The following SRSF9 variants were observed in gnomAD, a reference collection of about 807,000 sequenced individuals.
SRSF9 encodes the protein serine/arginine-rich splicing factor 9.
In SRSF9, 3 loss-of-function variants were observed where a neutral mutation model predicts 25.9. The observed-to-expected ratio is 0.12, with a 90% CI of 0.05 to 0.30. The LOEUF is 0.30. Ranked by LOEUF, SRSF9 falls within the 10% of genes least tolerant of loss-of-function variation. The pLI, the probability that SRSF9 is intolerant of heterozygous loss-of-function variation, is 1.00. For synonymous variants in SRSF9, 114 were observed against 113.2 expected (o/e 1.01, Z -0.05); for missense variants, 161 against 303.5 (o/e 0.53, Z 3.49).
intron 1 of SRSF9, among the ~76,000 whole-genome samples, chr12:120,466,153 C>T (rs1205046590): frequency 6.6e-6 from 1 of 152,292 alleles, no homozygotes; most frequent in Middle Eastern, 3.4e-3. Context: ...TCTCGAAAAG[C>T]ACACCACACA....
chr12:120,463,164 GA>G (rs1443402093), intron 3 of SRSF9: 1 of 152,132 alleles, frequency 6.6e-6, no homozygotes, highest in Non-Finnish European at 1.5e-5. Flanking sequence ...GTACCAAAGG[GA>G]TAGTCACCAC....
intron 3 of SRSF9, 107 bp downstream of exon 3, chr12:120,463,843 T>C (rs980908628): frequency 1.7e-5 from 22 of 1,291,028 alleles, no homozygotes; most frequent in Non-Finnish European, 2.4e-5. Flanking sequence ...AGATCTCTTA[T>C]GGTACTGTGA....
At chr12:120,468,668 A>AACC (rs1469188448) in intron 1 of SRSF9, among the ~76,000 whole-genome samples, 2 of 152,194 alleles carry the variant, frequency 1.3e-5, no homozygotes, top group African/African-American at 4.8e-5. Context: ...CGCAGCTGCT[A>AACC]ACCACCACCA....
rs2137053413 is a variant in SRSF9, at chr12:120,469,332, GGGGGGAGGGGAGCCC to G, written c.188+75_188+89del. The stretch of plus-strand genomic sequence containing the variant: ...CGCGGAGGCGGGGGGAGGGGAGGCC[GGGGGGAGGGGAGCCC>G]TGGGGGAGGGGACAGCAGGGAAGGC... On this transcript the variant is annotated intron_variant, in intron 1 of 3. Coordinates refer to ENST00000229390, the MANE Select transcript of SRSF9 (RefSeq NM_003769.3). 1.1e-5 allele frequency: 10 copies of G among 888,270 alleles called. No individual in the cohort carries two copies. The South Asian group carries it at 1.2e-4, about 10-fold the overall frequency. The allele number at this position is 888,270 out of a possible 1,614,324, so 55.0% of individuals were successfully genotyped here. A position where few individuals can be genotyped will look rare whatever the true frequency, so the allele number is the denominator to read the frequency against.
chr12:120,467,454 CTG>C (rs1452851153), intron 1 of SRSF9, among the ~76,000 whole-genome samples: 4 of 151,570 alleles, frequency 2.6e-5, no homozygotes, highest in Non-Finnish European at 4.4e-5. Flanking sequence ...TGAGCTGAGA[CTG>C]TGCCGCTACA....
intron 1 of SRSF9, among the ~76,000 whole-genome samples, chr12:120,468,937 C>T (rs962195664): frequency 1.3e-5 from 2 of 151,950 alleles, no homozygotes; most frequent in Non-Finnish European, 2.9e-5. Flanking sequence ...GCGCGAACGG[C>T]GAGCTATTCC....
In SRSF9 at chr12:120,461,913, TA is replaced by T. The variant is rs1202695538; in HGVS notation, c.*105del. 60 of 1,209,190 alleles carry T rather than the reference TA, an allele frequency of 5.0e-5. No individual in the cohort carries two copies. The East Asian group carries it at 1.7e-3, about 35-fold the overall frequency. 74.9% of individuals were successfully genotyped at this position (1,209,190 alleles called of 1,614,324 possible). A position where few individuals can be genotyped will look rare whatever the true frequency, so the allele number is the denominator to read the frequency against. ...TTTTTCTTCTTTAAAAAAAAAAAAT[TA>T]AAAAAATTTCCTAAGACACTAAATC... On this transcript the variant is annotated 3_prime_UTR_variant, in exon 4 of 4. Transcript: ENST00000229390.
At chr12:120,469,106 G>A (rs563713755) in intron 1 of SRSF9, among the ~76,000 whole-genome samples, 1 of 152,314 alleles carries the variant, frequency 6.6e-6, no homozygotes, top group East Asian at 1.9e-4. Flanking sequence ...GCCCCAGGCA[G>A]GAGGCGGACA....
At position 120,462,053 on chromosome 12, in the gene SRSF9, G is replaced by A; in HGVS notation, c.632C>T (p.Ser211Phe). ...CCTGAAAGGAGAGAAGTAGTGTGGG[G>A]AACCCCTGCTTTGGTATGGAGAGTC... is the stretch of plus-strand genomic sequence containing the variant. ...GRDSPYQSRG[S>F]PHYFSPFRPY Residue 211 changes from serine (S) to phenylalanine (F), a missense_variant, in exon 4 of 4, where the codon TCC becomes TTC. By Grantham distance (155) the Ser-to-Phe change is radical (BLOSUM62 -2). Coordinates refer to ENST00000229390, the MANE Select transcript of SRSF9 (RefSeq NM_003769.3). 2.5e-6 allele frequency: 4 copies of A among 1,611,896 alleles called. No individual in the cohort carries two copies. The highest frequency in any genetic ancestry group is 3.4e-6 in the Non-Finnish European group (4 of 1,179,806).
At chr12:120,469,334 G>T in intron 1 of SRSF9, 88 bp downstream of exon 1, 1 of 928,284 alleles carries the variant, frequency 1.1e-6, no homozygotes, top group East Asian at 3.2e-5. Context: ...GGGAGGCCGG[G>T]GGGAGGGGAG....
At chr12:120,465,488 G>A in intron 2 of SRSF9, 139 bp downstream of exon 2, 1 of 922,356 alleles carries the variant, frequency 1.1e-6, no homozygotes, top group Middle Eastern at 2.3e-4. Flanking sequence ...GCAATCCAGG[G>A]CAAGGCTTCA....
rs1878467516 is a variant in SRSF9, at chr12:120,465,720, A to G, written c.256T>C (p.Phe86Leu). The stretch of plus-strand genomic sequence containing the variant: ...CCCCGACCTCCATAAGTCCTGGGGA[A>G]CTCCACACGAAGCCGACACTGGCCA... Reference protein sequence around the residue: ...DYGQCRLRVEFPRTYGGRGGW... With the variant: ...DYGQCRLRVELPRTYGGRGGW... The change falls in exon 2 of 4, where the codon TTC becomes CTC. Residue 86 changes from phenylalanine to leucine, a missense_variant. Phe to Leu is a conservative substitution (Grantham distance 22). Around this residue, in one of 3 missense-constraint regions of SRSF9, gnomAD observed 99 missense variants for 156.7 expected, o/e 0.63. Transcript: ENST00000229390. 6.2e-6 allele frequency: 10 copies of G among 1,606,508 alleles called. No homozygotes were observed. The East Asian group carries it at 2.2e-4, about 36-fold the overall frequency.
chr12:120,465,397 C>G (rs1037879903), intron 2 of SRSF9: 5 of 377,858 alleles, frequency 1.3e-5, no homozygotes, highest in Non-Finnish European at 2.3e-5. Flanking sequence ...CACTAGAAAA[C>G]TCCTTTACAA....
Position 120,461,845 on chromosome 12 carries a change from A to C in SRSF9, c.*174T>G. The C allele has an allele frequency of 6.3e-6, 4 of 634,852 alleles. No individual in the cohort carries two copies. Among genetic ancestry groups the C allele is most frequent in the East Asian group, 3.4e-5 (1 of 29,558 alleles). The allele number at this position is 634,852 out of a possible 1,614,324, so 39.3% of individuals were successfully genotyped here. ...AAAACCACAATTTCTGCAGTTTAAA[A>C]TGTTTCACTGCTAATATGGCCCTGG... On this transcript the variant is annotated 3_prime_UTR_variant, in exon 4 of 4. Transcript: ENST00000229390.
At position 120,468,938 on chromosome 12, in the gene SRSF9, G is replaced by A. The variant is rs1476162353; in HGVS notation, c.188+484C>T. ...CTGCGGGGCGGGGCGCGCGAACGGC[G>A]AGCTATTCCACCAGAGATCCCTCCA... is the stretch of plus-strand genomic sequence containing the variant. On this transcript the variant is annotated intron_variant, in intron 1 of 3. Coordinates refer to ENST00000229390, the MANE Select transcript of SRSF9 (RefSeq NM_003769.3). 2.6e-5 allele frequency among the ~76,000 whole-genome samples: 4 copies of A among 151,688 alleles called. No individual in the cohort carries two copies. In the East Asian group the frequency reaches 5.8e-4, roughly 22 times the overall value.
chr12:120,469,582 C>G lies in SRSF9; in HGVS notation c.28G>C (p.Gly10Arg). The change falls in exon 1 of 4, where the codon GGC (glycine) becomes CGC (arginine). Residue 10 changes from glycine to arginine, a missense_variant. Gly to Arg is a moderately radical substitution (Grantham distance 125). Coordinates refer to ENST00000229390, the MANE Select transcript of SRSF9 (RefSeq NM_003769.3). ...ACGTAGATGCGCCCGTCGCCCTCGC[C>G]GCCGCGCTCGTCCGCCCAGCCCGAC... Reference protein sequence around the residue: MSGWADERGGEGDGRIYVGN... With the variant: MSGWADERGREGDGRIYVGN... The G allele has an allele frequency of 6.5e-7, 1 of 1,543,724 alleles. No homozygotes were observed. The highest frequency in any genetic ancestry group is 8.7e-7 in the Non-Finnish European group (1 of 1,149,128).
chr12:120,463,438 TAAAAA>T (rs1469034148), intron 3 of SRSF9: 1 of 151,834 alleles, frequency 6.6e-6, no homozygotes, highest in Non-Finnish European at 1.5e-5. Flanking sequence ...ATTATAAAAT[TAAAAA>T]AGAAAATGTC....
intron 1 of SRSF9, among the ~76,000 whole-genome samples, chr12:120,469,034 C>T (rs1318373252): frequency 6.6e-6 from 1 of 151,726 alleles, no homozygotes; most frequent in Non-Finnish European, 1.5e-5. Flanking sequence ...GGGGGAGAGG[C>T]GAGCGGGAAG....
At position 120,465,509 on chromosome 12, in the gene SRSF9, T is replaced by G. The variant is rs967784887; in HGVS notation, c.349+118A>C. 1.1e-4 allele frequency: 134 copies of G among 1,172,866 alleles called. 1 individual carries two copies. Among genetic ancestry groups the G allele is most frequent in the South Asian group, 1.0e-3 (50 of 47,840 alleles). 72.7% of individuals were successfully genotyped at this position (1,172,866 alleles called of 1,614,324 possible). ...CAGGGCAAGGCTTCACACAGGCTAT[T>G]GAAAAGAAAGCCCCCGTGTCCCATG... On this transcript the variant is annotated intron_variant, in intron 2 of 3. Transcript: ENST00000229390.
Sources: gnomAD v4.1 joint callset for allele counts (sites outside exome capture counted in the v4.1 genomes callset) on GRCh38, gnomAD v4.1.1 for gene constraint, gnomAD v4.1.1 regional missense constraint, MANE v1.5 for transcripts, NCBI Gene and HGNC (gene_info 2026-07-23, HGNC 2026-07-21) for gene names.